Variants in MIER1 observed in about 807,000 individuals in gnomAD.
MIER1 encodes the protein mesoderm induction early response protein 1.
MIER1 carries 40 observed loss-of-function variants against 75.7 expected under a neutral mutation model. That is an observed-to-expected ratio of 0.53 (90% confidence interval 0.41 to 0.69). The LOEUF is 0.69. Among genes scored for constraint, MIER1 ranks in the 30% least tolerant of loss-of-function variants. MIER1 has a pLI of 0.00. For missense variants in MIER1, 574 were observed against 680.2 expected (o/e 0.84, Z 1.74); for synonymous variants, 213 against 223.4 (o/e 0.95, Z 0.42).
chr1:66,946,624 A>G (rs1311442829), intron 4 of MIER1: 18 of 1,007,086 alleles, frequency 1.8e-5, no homozygotes, highest in Non-Finnish European at 2.4e-6. Flanking sequence ...CAGTTACCAT[A>G]TCTTTTACTT....
At chr1:66,965,096 A>G (rs1351094313) in intron 8 of MIER1, among the ~76,000 whole-genome samples, 5 of 152,256 alleles carry the variant, frequency 3.3e-5, no homozygotes, top group African/African-American at 1.2e-4. Context: ...TGCAAGATAT[A>G]GGAACATTGA....
intron 8 of MIER1, 48 bp from the exon 9 acceptor site, chr1:66,970,758 ACT>A (rs1416448642): frequency 3.7e-6 from 5 of 1,369,216 alleles, no homozygotes; most frequent in Admixed American, 2.6e-5. Context: ...TTTAACACAA[ACT>A]CTATCAGTTT....
intron 4 of MIER1, among the ~76,000 whole-genome samples, chr1:66,952,300 C>G (rs747463352): frequency 6.6e-6 from 1 of 152,166 alleles, no homozygotes; most frequent in Non-Finnish European, 1.5e-5. Context: ...GTAATATAAA[C>G]TAATTAGAAA....
intron 11 of MIER1, among the ~76,000 whole-genome samples, chr1:66,975,912 C>T (rs956047099): frequency 3.3e-5 from 5 of 152,080 alleles, no homozygotes; most frequent in South Asian, 4.1e-4. Flanking sequence ...CCTAGGTACC[C>T]GTACTCTGTG....
chr1:66,939,929 A>G, intron 2 of MIER1, 99 bp from the exon 3 acceptor site: 1 of 890,774 alleles, frequency 1.1e-6, no homozygotes, highest in Middle Eastern at 2.3e-4. Context: ...AACTTACTGT[A>G]GTTTTTGGCA....
At chr1:66,943,055 G>A (rs759951595) in intron 3 of MIER1, among the ~76,000 whole-genome samples, 1 of 152,158 alleles carries the variant, frequency 6.6e-6, no homozygotes, top group Non-Finnish European at 1.5e-5. Flanking sequence ...AGTATACAAA[G>A]GGATGGTGTG....
intron 11 of MIER1, among the ~76,000 whole-genome samples, chr1:66,976,200 C>G (rs1664688400): frequency 6.6e-6 from 1 of 151,990 alleles, no homozygotes. Flanking sequence ...GATGGGGTTT[C>G]ACCATCTTGG....
intron 4 of MIER1, chr1:66,946,879 A>AC: frequency 1.0e-6 from 1 of 985,110 alleles, no homozygotes; most frequent in Non-Finnish European, 1.2e-6. Context: ...GGAGTACACC[A>AC]CTGTCTGGTT....
At chr1:66,972,829 T>G in intron 10 of MIER1, 68 bp from the exon 11 acceptor site, 1 of 795,232 alleles carries the variant, frequency 1.3e-6, no homozygotes, top group Non-Finnish European at 2.1e-6. Context: ...AAGTTTTCAT[T>G]TGTAATTTTG....
At chr1:66,932,668 C>A (rs984969044) in intron 2 of MIER1, 8 of 152,002 alleles carry the variant, frequency 5.3e-5, no homozygotes, top group African/African-American at 1.9e-4. Context: ...TTAAATAATC[C>A]AGATGCTGAA....
intron 4 of MIER1, among the ~76,000 whole-genome samples, chr1:66,952,119 A>G (rs533912020): frequency 6.6e-6 from 1 of 152,392 alleles, no homozygotes; most frequent in African/African-American, 2.4e-5. Context: ...TCTCTGACCT[A>G]TAACTGAAAA....
At chr1:66,932,163 A>G (rs1171100357) in intron 2 of MIER1, among the ~76,000 whole-genome samples, 3 of 152,168 alleles carry the variant, frequency 2.0e-5, no homozygotes, top group Non-Finnish European at 4.4e-5. Flanking sequence ...GCGTTATTGT[A>G]AGATAAAGGA....
chr1:66,985,669 CT>C lies in MIER1; in HGVS notation c.*773del, dbSNP rs745523371. Reference sequence around the variant, plus strand: ...TTTCTTAACTTGTACAGTTGGTAAACTTTTATGAGAGGAATTGTTATTCTGA... The same window carrying C: ...TTTCTTAACTTGTACAGTTGGTAAACTTTATGAGAGGAATTGTTATTCTGA... On this transcript the variant is annotated 3_prime_UTR_variant, in exon 14 of 14. Coordinates refer to ENST00000401041, the MANE Select transcript of MIER1 (RefSeq NM_001077700.3). 25 of 984,758 alleles carry C rather than the reference CT, an allele frequency of 2.5e-5. No individual in the cohort carries two copies. The highest frequency in any genetic ancestry group is 3.0e-5 in the Non-Finnish European group (25 of 829,536). The allele number at this position is 984,758 out of a possible 1,614,324, so 61.0% of individuals were successfully genotyped here.
chr1:66,962,199 A>G (rs921352924), intron 7 of MIER1, among the ~76,000 whole-genome samples: 3 of 152,200 alleles, frequency 2.0e-5, no homozygotes, highest in Non-Finnish European at 4.4e-5. Flanking sequence ...AGTTTCACCT[A>G]ATCTGTGATT....
At chr1:66,976,810 C>T in intron 12 of MIER1, 88 bp downstream of exon 12, 2 of 1,193,260 alleles carry the variant, frequency 1.7e-6, no homozygotes. Flanking sequence ...TTTTGATAAT[C>T]TTGCTTTTAT....
At chr1:66,955,769 G>A (rs7551021) in intron 4 of MIER1, among the ~76,000 whole-genome samples, 17,433 of 151,718 alleles carry the variant, frequency 0.11, 2,415 homozygotes, top group African/African-American at 0.34. Flanking sequence ...TTCCTTTTGG[G>A]GCCCTTATTC....
rs1290393787 is a variant in MIER1, at chr1:66,963,168, A to G, written c.772+8A>G. Reference sequence around the variant, plus strand: ...ACAAAGAAAATGAAAAAGGTGGGTTATTAGTAAAGTTACGTAGCTGAATTT... The same window carrying G: ...ACAAAGAAAATGAAAAAGGTGGGTTGTTAGTAAAGTTACGTAGCTGAATTT... On this transcript the variant is annotated splice_region_variant and intron_variant, in intron 8 of 13. Coordinates refer to ENST00000401041, the MANE Select transcript of MIER1 (RefSeq NM_001077700.3). 43 of 1,573,776 alleles carry G rather than the reference A, an allele frequency of 2.7e-5. No individual in the cohort carries two copies. In the Admixed American group the frequency reaches 7.2e-4, roughly 26 times the overall value.
At chr1:66,929,177 G>T in intron 2 of MIER1, 1 of 610,374 alleles carries the variant, frequency 1.6e-6, no homozygotes, top group Non-Finnish European at 2.9e-6. Context: ...AAGAAAAATT[G>T]TATATGTACA....
chr1:66,932,930 G>A (rs1450229621), intron 2 of MIER1: 1 of 151,946 alleles, frequency 6.6e-6, no homozygotes. Context: ...AATAGAAAGT[G>A]CTTTAGATGA....
Sources: allele counts gnomAD v4.1 joint callset (sites outside exome capture counted in the v4.1 genomes callset), GRCh38; gene constraint gnomAD v4.1.1; transcripts MANE v1.5; gene names NCBI Gene and HGNC (gene_info 2026-07-23, HGNC 2026-07-21).